Variants in BAZ2B observed in about 807,000 individuals in gnomAD.
BAZ2B encodes bromodomain adjacent to zinc finger domain 2B.
In BAZ2B, 91 loss-of-function variants were observed where a neutral mutation model predicts 246.0. The ratio of observed to expected loss-of-function variants is 0.37; its 90% CI spans 0.31 to 0.44. The LOEUF is 0.44. BAZ2B is among the 20% of genes least tolerant of loss of function. The pLI, the probability that BAZ2B is intolerant of heterozygous loss-of-function variation, is 1.00. For synonymous variants in BAZ2B, 855 were observed against 860.0 expected (o/e 0.99, Z 0.10); for missense variants, 2,332 against 2,533.7 (o/e 0.92, Z 1.71).
intron 27 of BAZ2B, 44 bp downstream of exon 27, chr2:159,373,001 A>T (rs773727644): frequency 1.9e-6 from 3 of 1,549,920 alleles, no homozygotes; most frequent in Non-Finnish European, 2.6e-6. Context: ...TTTAAAATAT[A>T]TAGTTTCTTA....
At chr2:159,411,158 A>G (rs887189819) in intron 14 of BAZ2B, among the ~76,000 whole-genome samples, 2 of 152,150 alleles carry the variant, frequency 1.3e-5, no homozygotes, top group African/African-American at 4.8e-5. Context: ...AATAGCTAAG[A>G]TTAGAGGAGT....
chr2:159,633,738 C>T, the BAZ2B span, among the ~76,000 whole-genome samples: 5 of 120,254 alleles, frequency 4.2e-5, no homozygotes, highest in East Asian at 2.4e-4. Flanking sequence ...TCACTTTATT[C>T]TTTTTTTTTT....
At chr2:159,664,986 A>G in the BAZ2B span, among the ~76,000 whole-genome samples, 1 of 150,648 alleles carries the variant, frequency 6.6e-6, no homozygotes, top group African/African-American at 2.5e-5. Context: ...TTAAGCTGAT[A>G]AGCAACTTCA....
At chr2:159,397,263 T>C in intron 19 of BAZ2B, 82 bp downstream of exon 19, 1 of 1,296,134 alleles carries the variant, frequency 7.7e-7, no homozygotes, top group South Asian at 1.4e-5. Flanking sequence ...AAAGAAAATA[T>C]TTTGAAGATT....
At chr2:159,681,939 T>TA in the BAZ2B span, among the ~76,000 whole-genome samples, 69,253 of 151,706 alleles carry the variant, frequency 0.46, 16,662 homozygotes, top group Middle Eastern at 0.59. Context: ...AAAATAAATT[T>TA]AAAAAAAGAT....
chr2:159,559,750 A>G (rs541464493), intron 1 of BAZ2B, among the ~76,000 whole-genome samples: 9 of 152,352 alleles, frequency 5.9e-5, no homozygotes, highest in African/African-American at 2.2e-4. Context: ...GCTCATAAAA[A>G]TCCTAAGTGG....
chr2:159,335,092 TTCTC>T (rs1433349921), intron 33 of BAZ2B, among the ~76,000 whole-genome samples: 3 of 152,108 alleles, frequency 2.0e-5, no homozygotes, highest in East Asian at 1.9e-4. Flanking sequence ...CAGTCTCAGT[TTCTC>T]TCTCTTTTTT....
Position 159,439,229 on chromosome 2 carries a change from T to C in BAZ2B, c.697-17A>G. The C allele has an allele frequency of 6.3e-7, 1 of 1,597,462 alleles. No individual in the cohort carries two copies. The highest frequency in any genetic ancestry group is 8.5e-7 in the Non-Finnish European group (1 of 1,170,170). On this transcript the variant is annotated splice_polypyrimidine_tract_variant and intron_variant, in intron 6 of 36. Coordinates refer to ENST00000392783, the MANE Select transcript of BAZ2B (RefSeq NM_013450.4). Reference sequence around the variant, plus strand: ...CCTTGGTTTCTGGATAACGACAAGGTAGTTGGCAAGACTTTATTTTTGGAA... The same window carrying C: ...CCTTGGTTTCTGGATAACGACAAGGCAGTTGGCAAGACTTTATTTTTGGAA...
chr2:159,461,359 G>C (rs2076390120), intron 3 of BAZ2B: 1 of 152,558 alleles, frequency 6.6e-6, no homozygotes, highest in African/African-American at 2.4e-5. Flanking sequence ...TTGAGTTCTT[G>C]GCAGGCAGGA....
At chr2:159,546,889 A>C (rs4665079) in intron 2 of BAZ2B, among the ~76,000 whole-genome samples, 126,578 of 152,032 alleles carry the variant, frequency 0.83, 53,122 homozygotes, top group Admixed American at 0.88. Context: ...TTAATTCCAA[A>C]TGAAAAGGAT....
chr2:159,336,849 C>T, intron 33 of BAZ2B, 93 bp downstream of exon 33: 1 of 1,113,876 alleles, frequency 9.0e-7, no homozygotes, highest in Non-Finnish European at 1.2e-6. Context: ...ATTATTATGA[C>T]AATAGGTAAT....
chr2:159,400,804 G>C, intron 16 of BAZ2B, 140 bp from the exon 17 acceptor site: 1 of 481,854 alleles, frequency 2.1e-6, no homozygotes, highest in Non-Finnish European at 3.8e-6. Flanking sequence ...ACTTTGGGAG[G>C]CCAAGGTGGG....
At chr2:159,488,862 CAGA>C (rs985222463) in intron 2 of BAZ2B, among the ~76,000 whole-genome samples, 6 of 151,928 alleles carry the variant, frequency 3.9e-5, no homozygotes, top group African/African-American at 1.5e-4. Flanking sequence ...CAGGATGGTC[CAGA>C]AGAAGTGAAT....
At chr2:159,583,776 A>G (rs181713627) in intron 1 of BAZ2B, among the ~76,000 whole-genome samples, 205 of 152,322 alleles carry the variant, frequency 1.3e-3, no homozygotes, top group Middle Eastern at 6.8e-3. Context: ...AAAAAGAGAG[A>G]GTACAGGGCA....
chr2:159,401,990 A>C (rs1467814829), intron 16 of BAZ2B, among the ~76,000 whole-genome samples: 1 of 152,090 alleles, frequency 6.6e-6, no homozygotes, highest in African/African-American at 2.4e-5. Flanking sequence ...ATGCATTTTA[A>C]TTTTTTTAAT....
the BAZ2B span, among the ~76,000 whole-genome samples, chr2:159,658,891 C>T: frequency 2.0e-5 from 3 of 152,044 alleles, no homozygotes; most frequent in African/African-American, 7.2e-5. Context: ...TGGGATCAAG[C>T]AATCCTCCCG....
At chr2:159,674,793 T>C in the BAZ2B span, among the ~76,000 whole-genome samples, 62 of 151,100 alleles carry the variant, frequency 4.1e-4, no homozygotes, top group African/African-American at 1.4e-3. Context: ...GATTTCTGAA[T>C]AAATAACATA....
chr2:159,470,300 T>C (rs2077617837), intron 3 of BAZ2B, among the ~76,000 whole-genome samples: 1 of 152,208 alleles, frequency 6.6e-6, no homozygotes, highest in Non-Finnish European at 1.5e-5. Context: ...GTCTCAGTAA[T>C]TGCCAGGGCA....
chr2:159,385,277 A>C lies in BAZ2B; in HGVS notation c.3564T>G (p.Cys1188Trp). The C allele has an allele frequency of 6.2e-7, 1 of 1,613,596 alleles. No individual in the cohort carries two copies. Among genetic ancestry groups the C allele is most frequent in the Non-Finnish European group, 8.5e-7 (1 of 1,179,684 alleles). The change falls in exon 23 of 37, where the codon TGT becomes TGG. Residue 1188 changes from cysteine to tryptophan, a missense_variant. Physicochemically the swap from Cys to Trp is radical, Grantham distance 215. Around this residue, in one of 9 missense-constraint regions of BAZ2B, gnomAD observed 328 missense variants for 410.4 expected, o/e 0.80. Transcript: ENST00000392783. Reference sequence around the variant, plus strand: ...GACTTTCAGTAAGCTCAGTTTGTCCACAGTGGGCTTCCATAAATATCTGTA... The same window carrying C: ...GACTTTCAGTAAGCTCAGTTTGTCCCCAGTGGGCTTCCATAAATATCTGTA... ...EILQIFMEAH[C>W]GQTELTESLK...
Sources: gnomAD v4.1 joint callset for allele counts (sites outside exome capture counted in the v4.1 genomes callset) on GRCh38, gnomAD v4.1.1 for gene constraint, gnomAD v4.1.1 regional missense constraint, MANE v1.5 for transcripts, NCBI Gene and HGNC (gene_info 2026-07-23, HGNC 2026-07-21) for gene names.